The following CCDC198 variants were observed in gnomAD, a reference collection of about 807,000 sequenced individuals.
CCDC198 encodes coiled-coil domain containing 198, also known as factor associated with metabolism and energy.
Under a neutral mutation model 35.6 loss-of-function variants are expected in CCDC198, and 18 were observed. The observed-to-expected ratio is 0.51, with a 90% CI of 0.35 to 0.75. CCDC198 has a LOEUF of 0.75. CCDC198 is among the 30% of genes least tolerant of loss of function. The probability of loss-of-function intolerance (pLI) is 0.01; values close to 1 mark genes in which losing one functional copy is unlikely to be tolerated. For synonymous variants in CCDC198, 119 were observed against 113.4 expected, an observed-to-expected ratio of 1.05 and a Z score of -0.31; for missense variants, 365 against 343.7, an observed-to-expected ratio of 1.06 and a Z score of -0.49.
At chr14:57,481,290 T>C (rs17093258) in intron 4 of CCDC198, among the ~76,000 whole-genome samples, 3,246 of 152,308 alleles carry the variant, frequency 0.021, 116 homozygotes, top group African/African-American at 0.073. Context: ...CATTTTCCTA[T>C]GTCCAGAATG....
rs2066808329 is a variant in CCDC198, at chr14:57,471,216, T to C, written c.*139A>G. On this transcript the variant is annotated 3_prime_UTR_variant, in exon 6 of 6. Transcript: ENST00000216445. ...ACAGCACATGTGACGGACTTGTTAA[T>C]CATAAGACTCTAAAGATATCATTTC... 4 of 642,528 alleles carry C rather than the reference T, an allele frequency of 6.2e-6. No homozygotes were observed. The highest frequency in any genetic ancestry group is 1.1e-5 in the Non-Finnish European group (4 of 376,454). The allele number at this position is 642,528 out of a possible 1,614,324, so 39.8% of individuals were successfully genotyped here. A position where few individuals can be genotyped will look rare whatever the true frequency, so the allele number is the denominator to read the frequency against.
At chr14:57,483,292 G>T in intron 2 of CCDC198, 141 bp from the exon 3 acceptor site, 1 of 1,258,778 alleles carries the variant, frequency 7.9e-7, no homozygotes, top group Non-Finnish European at 1.1e-6. Flanking sequence ...GATTCTAACA[G>T]CATTACAGTT....
chr14:57,493,539 C>G lies in CCDC198; in HGVS notation c.177G>C (p.Gly59=), dbSNP rs1366672160. 6.2e-7 allele frequency: 1 copy of G among 1,613,974 alleles called. No homozygotes were observed. The highest frequency in any genetic ancestry group is 8.5e-7 in the Non-Finnish European group (1 of 1,179,896). Residue 59 remains glycine, a synonymous_variant, in exon 1 of 6, where the codon GGG becomes GGC. Coordinates refer to ENST00000216445, the MANE Select transcript of CCDC198 (RefSeq NM_018168.4). ...RLQDQNKALE[G]QLPPLQENWY... ...AGTTTTCTTGTAAAGGTGGCAGCTG[C>G]CCTTCCAAGGCTTTATTCTGGTCCT...
At position 57,493,528 on chromosome 14, in the gene CCDC198, G is replaced by A. The variant is rs1416845823; in HGVS notation, c.188C>T (p.Pro63Leu). 1 of 1,613,910 alleles carries A rather than the reference G, an allele frequency of 6.2e-7. No homozygotes were observed. The highest frequency in any genetic ancestry group is 1.1e-5 in the South Asian group (1 of 91,078). ...TCTTCCATACCAGTTTTCTTGTAAA[G>A]GTGGCAGCTGCCCTTCCAAGGCTTT... ...QNKALEGQLP[P>L]LQENWYGRYS... Residue 63 changes from proline (P) to leucine (L), a missense_variant, in exon 1 of 6, where the codon CCT (proline) becomes CTT (leucine). Pro to Leu is a moderately conservative substitution (Grantham distance 98). Transcript: ENST00000216445.
chr14:57,475,080 T>C (rs2066930185), intron 5 of CCDC198, among the ~76,000 whole-genome samples: 1 of 152,012 alleles, frequency 6.6e-6, no homozygotes, highest in Non-Finnish European at 1.5e-5. Flanking sequence ...GCTAACACAG[T>C]GAACCCCCGT....
At chr14:57,491,180 G>T (rs560496501) in intron 1 of CCDC198, 109 bp from the exon 2 acceptor site, 2 of 1,071,130 alleles carry the variant, frequency 1.9e-6, no homozygotes, top group African/African-American at 1.6e-5. Flanking sequence ...TACCTTTTCA[G>T]TTATATATGT....
At chr14:57,473,839 C>T (rs2066891375) in intron 5 of CCDC198, among the ~76,000 whole-genome samples, 1 of 152,194 alleles carries the variant, frequency 6.6e-6, no homozygotes, top group Admixed American at 6.5e-5. Context: ...TTTGGCCCTG[C>T]CCATGTCTCC....
At chr14:57,474,066 A>G (rs1037688577) in intron 5 of CCDC198, among the ~76,000 whole-genome samples, 2 of 152,158 alleles carry the variant, frequency 1.3e-5, no homozygotes, top group Admixed American at 1.3e-4. Context: ...CCCTGACTCC[A>G]CAGATACCAG....
chr14:57,493,411 G>GCC, intron 1 of CCDC198, 82 bp downstream of exon 1: 1 of 1,203,210 alleles, frequency 8.3e-7, no homozygotes, highest in Non-Finnish European at 1.2e-6. Flanking sequence ...AACTTTCTGA[G>GCC]ATCATGGAGA....
intron 5 of CCDC198, among the ~76,000 whole-genome samples, chr14:57,472,343 A>G (rs909135070): frequency 6.7e-6 from 1 of 149,878 alleles, no homozygotes; most frequent in Non-Finnish European, 1.5e-5. Context: ...TGTCTTTTTC[A>G]TTTTTCCTAA....
rs544713609 is a variant in CCDC198 at position 57,491,029 on chromosome 14, T to C, written c.266A>G (p.Glu89Gly). Residue 89 changes from glutamate to glycine, a missense_variant, in exon 2 of 6, where the codon GAA becomes GGA. By Grantham distance (98) the Glu-to-Gly change is moderately conservative. Coordinates refer to ENST00000216445, the MANE Select transcript of CCDC198 (RefSeq NM_018168.4). Reference sequence around the variant, plus strand: ...TGGATGCCTTTTAATAATACTTGTTTCTCTGTGTTCCAGTGGGATGTCAAA... The same window carrying C: ...TGGATGCCTTTTAATAATACTTGTTCCTCTGTGTTCCAGTGGGATGTCAAA... The part of the protein sequence containing the change: ...MYFDIPLEHR[E>G]TSIIKRHPPQ... 1.9e-6 allele frequency: 3 copies of C among 1,610,486 alleles called. No homozygotes were observed. Among genetic ancestry groups the C allele is most frequent in the East Asian group, 4.5e-5 (2 of 44,790 alleles).
intron 5 of CCDC198, chr14:57,478,970 C>T: frequency 7.8e-7 from 1 of 1,288,908 alleles, no homozygotes; most frequent in South Asian, 1.2e-5. Context: ...ATTTGGCCCA[C>T]GGCACAGCGA....
chr14:57,475,876 A>C (rs2066980295), intron 5 of CCDC198, among the ~76,000 whole-genome samples: 1 of 117,450 alleles, frequency 8.5e-6, no homozygotes, highest in African/African-American at 3.3e-5. Flanking sequence ...ATCTCGGCTT[A>C]CTGCAACCTC....
intron 1 of CCDC198, among the ~76,000 whole-genome samples, chr14:57,491,288 C>A (rs2067559641): frequency 6.6e-6 from 1 of 152,036 alleles, no homozygotes; most frequent in South Asian, 2.1e-4. Flanking sequence ...GATTTAATAT[C>A]TGCTCTCCTA....
At chr14:57,475,122 A>G (rs1616656) in intron 5 of CCDC198, among the ~76,000 whole-genome samples, 147,007 of 151,362 alleles carry the variant, frequency 0.97, 71,533 homozygotes, top group Middle Eastern at 1. Flanking sequence ...TTAGCCGGGC[A>G]TGGTGGCGGG....
intron 5 of CCDC198, among the ~76,000 whole-genome samples, chr14:57,473,422 C>T (rs900750992): frequency 2.6e-5 from 4 of 152,178 alleles, no homozygotes; most frequent in East Asian, 1.9e-4. Flanking sequence ...ATTCAGCAAA[C>T]GGTACTAACT....
chr14:57,471,235 T>C lies in CCDC198; in HGVS notation c.*120A>G. On this transcript the variant is annotated 3_prime_UTR_variant, in exon 6 of 6. Coordinates refer to ENST00000216445, the MANE Select transcript of CCDC198 (RefSeq NM_018168.4). ...TGTTAATCATAAGACTCTAAAGATATCATTTCTTTTTACCAAAGTGATTTG... is the reference window on the plus strand; with the variant it reads ...TGTTAATCATAAGACTCTAAAGATACCATTTCTTTTTACCAAAGTGATTTG... 1.4e-6 allele frequency: 1 copy of C among 698,736 alleles called. No individual in the cohort carries two copies. Among genetic ancestry groups the C allele is most frequent in the South Asian group, 2.0e-5 (1 of 50,452 alleles). The allele number at this position is 698,736 out of a possible 1,614,324, so 43.3% of individuals were successfully genotyped here. A position where few individuals can be genotyped will look rare whatever the true frequency, so the allele number is the denominator to read the frequency against.
chr14:57,474,867 G>A lies in CCDC198; in HGVS notation c.656-3277C>T, dbSNP rs370927394. Among the ~76,000 whole-genome samples the A allele has an allele frequency of 5.3e-5, 8 of 152,280 alleles. 1 individual carries two copies. Among genetic ancestry groups the A allele is most frequent in the East Asian group, 1.9e-4 (1 of 5,184 alleles). On this transcript the variant is annotated intron_variant, in intron 5 of 5. Transcript: ENST00000216445. ...GTGATTTAGGTAGTAGAAGAATCAC[G>A]TAAAGCATGAAAACTGTTTGATGGT...
chr14:57,472,971 A>C (rs1051645223), intron 5 of CCDC198, among the ~76,000 whole-genome samples: 6 of 152,242 alleles, frequency 3.9e-5, no homozygotes, highest in Non-Finnish European at 8.8e-5. Flanking sequence ...CTTTTGGCAT[A>C]GTTTATGTAA....
Sources: gnomAD v4.1 joint callset for allele counts (sites outside exome capture counted in the v4.1 genomes callset) on GRCh38, gnomAD v4.1.1 for gene constraint, MANE v1.5 for transcripts, NCBI Gene and HGNC (gene_info 2026-07-23, HGNC 2026-07-21) for gene names.